The following ALG6 variants were observed in gnomAD, a reference collection of about 807,000 sequenced individuals.
ALG6 encodes the protein dolichyl pyrophosphate Man9GlcNAc2 alpha-1,3-glucosyltransferase.
Under a neutral mutation model 66.6 loss-of-function variants are expected in ALG6, and 46 were observed. That is an observed-to-expected ratio of 0.69 (90% CI 0.55 to 0.88). The LOEUF (loss-of-function observed/expected upper bound fraction) is 0.88, where lower values mean the gene tolerates loss of function less well. Among genes scored for constraint, ALG6 ranks in the 40% least tolerant of loss-of-function variants. The pLI is 0.00. For missense variants in ALG6, 505 were observed against 586.8 expected (o/e 0.86, Z 1.44); for synonymous variants, 185 against 203.7 (o/e 0.91, Z 0.78).
chr1:63,422,349 ATATC>A lies in ALG6; in HGVS notation c.1058+2913_1058+2916del, dbSNP rs556263164. Among the ~76,000 whole-genome samples the A allele has an allele frequency of 9.1e-3, 944 of 103,880 alleles. 230 individuals are homozygous for A. The highest frequency in any genetic ancestry group is 0.042 in the African/African-American group (892 of 21,222). The allele number at this position is 103,880 out of a possible 152,430, so 68.1% of individuals were successfully genotyped here. On this transcript the variant is annotated intron_variant, in intron 12 of 14. Transcript: ENST00000263440. ...TATATATCTATAGGAATATAAATAT[ATATC>A]TATATAAATATAAATATATATAAGT...
intron 3 of ALG6, among the ~76,000 whole-genome samples, chr1:63,401,940 C>A (rs1644466998): frequency 6.6e-6 from 1 of 151,906 alleles, no homozygotes; most frequent in Non-Finnish European, 1.5e-5. Flanking sequence ...ATTCAGAGAG[C>A]CTTGCACGTA....
At chr1:63,383,154 G>C (rs1648384755) in intron 2 of ALG6, among the ~76,000 whole-genome samples, 1 of 151,554 alleles carries the variant, frequency 6.6e-6, no homozygotes, top group African/African-American at 2.4e-5. Context: ...CCATTGCCCT[G>C]TGCTCCAGCA....
chr1:63,394,507 AC>A (rs1648762339), intron 2 of ALG6, among the ~76,000 whole-genome samples: 1 of 151,918 alleles, frequency 6.6e-6, no homozygotes, highest in Admixed American at 6.6e-5. Context: ...AGTAGCTGGG[AC>A]TGCAGATGCC....
chr1:63,418,077 C>G (rs908508753), intron 11 of ALG6, among the ~76,000 whole-genome samples: 2 of 149,226 alleles, frequency 1.3e-5, no homozygotes, highest in African/African-American at 4.9e-5. Flanking sequence ...GAGGTTGCGG[C>G]GAGTGGAGAT....
rs1557595345 is a variant in ALG6 at position 63,422,408 on chromosome 1, A to AATATATATAAATATATATCT, written c.1058+2973_1058+2974insTATAAATATATATCTATATA. ...ATATATATAAATATATATCTATATA[A>AATATATATAAATATATATCT]ATATAAATATATATATAAATATAAA... is the stretch of plus-strand genomic sequence containing the variant. On this transcript the variant is annotated intron_variant, in intron 12 of 14. Coordinates refer to ENST00000263440, the MANE Select transcript of ALG6 (RefSeq NM_013339.4). Among the ~76,000 whole-genome samples, 34 of 85,940 alleles carry AATATATATAAATATATATCT rather than the reference A, an allele frequency of 4.0e-4. 2 individuals carry two copies. Among genetic ancestry groups the AATATATATAAATATATATCT allele is most frequent in the Middle Eastern group, 6.0e-3 (1 of 166 alleles). The allele number at this position is 85,940 out of a possible 152,430, so 56.4% of individuals were successfully genotyped here.
chr1:63,375,465 T>G (rs1238495701), intron 2 of ALG6, among the ~76,000 whole-genome samples: 2 of 149,964 alleles, frequency 1.3e-5, no homozygotes, highest in Non-Finnish European at 1.5e-5. Flanking sequence ...TCCCCATGTT[T>G]GCCAGCCTGG....
chr1:63,400,919 A>T (rs1026788990), intron 3 of ALG6, among the ~76,000 whole-genome samples: 6 of 152,178 alleles, frequency 3.9e-5, no homozygotes, highest in Non-Finnish European at 5.9e-5. Context: ...TTTGGAAATG[A>T]TATAATTGGT....
intron 4 of ALG6, among the ~76,000 whole-genome samples, 158 bp from the exon 5 acceptor site, chr1:63,404,295 T>C (rs989465979): frequency 6.6e-6 from 1 of 152,176 alleles, no homozygotes; most frequent in Non-Finnish European, 1.5e-5. Context: ...CAGTTTCACA[T>C]GATTAAATAA....
intron 9 of ALG6, among the ~76,000 whole-genome samples, chr1:63,413,119 T>G (rs952408926): frequency 6.6e-6 from 1 of 152,164 alleles, no homozygotes; most frequent in Non-Finnish European, 1.5e-5. Context: ...TTACAGTAGC[T>G]TTGTGGTAGC....
intron 5 of ALG6, 45 bp downstream of exon 5, chr1:63,404,586 A>C (rs747949468): frequency 6.5e-7 from 1 of 1,537,676 alleles, no homozygotes; most frequent in African/African-American, 1.4e-5. Context: ...ATTTTTTAAA[A>C]ATTTTGGACA....
chr1:63,418,386 G>C (rs1283136943), intron 11 of ALG6, among the ~76,000 whole-genome samples: 1 of 150,942 alleles, frequency 6.6e-6, no homozygotes, highest in Non-Finnish European at 1.5e-5. Context: ...CCAACCAGAA[G>C]GAGCCAATCA....
chr1:63,400,211 ATATATATATACG>A lies in ALG6; in HGVS notation c.168-2032_168-2021del, dbSNP rs1428149262. ...CTCTGTCTCAAAAAAAAAAAAATAT[ATATATATATACG>A]TATATATATATATATATATACGTAT... On this transcript the variant is annotated intron_variant, in intron 3 of 14. Coordinates refer to ENST00000263440, the MANE Select transcript of ALG6 (RefSeq NM_013339.4). 9.4e-3 allele frequency among the ~76,000 whole-genome samples: 294 copies of A among 31,282 alleles called. 92 individuals are homozygous for A. The highest frequency in any genetic ancestry group is 0.065 in the African/African-American group (277 of 4,256). The allele number at this position is 31,282 out of a possible 152,430, so 20.5% of individuals were successfully genotyped here.
intron 14 of ALG6, among the ~76,000 whole-genome samples, chr1:63,435,588 T>C (rs1370922177): frequency 2.0e-5 from 3 of 152,142 alleles, no homozygotes; most frequent in African/African-American, 7.2e-5. Context: ...CTTTCTACAT[T>C]TATTTATACT....
At chr1:63,383,766 T>C (rs1326968784) in intron 2 of ALG6, among the ~76,000 whole-genome samples, 11 of 152,204 alleles carry the variant, frequency 7.2e-5, no homozygotes, top group Non-Finnish European at 8.8e-5. Flanking sequence ...AAATACTAGA[T>C]CTTATTCATT....
chr1:63,374,246 A>T (rs17575973), intron 2 of ALG6, among the ~76,000 whole-genome samples: 30,533 of 152,164 alleles, frequency 0.2, 3,167 homozygotes, highest in Middle Eastern at 0.31. Context: ...CTCAAATCTT[A>T]GCTCTTTCAC....
intron 4 of ALG6, among the ~76,000 whole-genome samples, chr1:63,403,433 A>G (rs909216379): frequency 6.6e-6 from 1 of 152,140 alleles, no homozygotes; most frequent in Non-Finnish European, 1.5e-5. Context: ...GTTATAGAAG[A>G]TAAGGAACTT....
chr1:63,388,324 C>T (rs1447244886), intron 2 of ALG6, among the ~76,000 whole-genome samples: 3 of 152,166 alleles, frequency 2.0e-5, no homozygotes, highest in African/African-American at 7.2e-5. Context: ...TGCCACCATG[C>T]CCAGCTAATT....
chr1:63,402,315 G>GT lies in ALG6; in HGVS notation c.229_230insT (p.Ala77ValfsTer4). ...GGGATTGGATTACCCACCTCTTACAGCTTATCATAGTCTCCTATGTGCATA... is the reference window on the plus strand; with the variant it reads ...GGGATTGGATTACCCACCTCTTACAGTCTTATCATAGTCTCCTATGTGCATA... On this transcript the variant is annotated frameshift_variant, in exon 4 of 15. Transcript: ENST00000263440. LOFTEE classifies it high-confidence loss of function. The GT allele has an allele frequency of 6.2e-7, 1 of 1,611,494 alleles. No homozygotes were observed. The highest frequency in any genetic ancestry group is 1.1e-5 in the South Asian group (1 of 91,022).
chr1:63,398,932 C>T (rs1644430028), intron 3 of ALG6, among the ~76,000 whole-genome samples: 1 of 152,132 alleles, frequency 6.6e-6, no homozygotes, highest in South Asian at 2.1e-4. Context: ...CTAAAACACA[C>T]ATTTATTATC....
Sources: allele counts gnomAD v4.1 joint callset (sites outside exome capture counted in the v4.1 genomes callset), GRCh38; gene constraint gnomAD v4.1.1; transcripts MANE v1.5; gene names NCBI Gene and HGNC (gene_info 2026-07-23, HGNC 2026-07-21).